The following CFAP54 variants were observed in gnomAD, a reference collection of about 807,000 sequenced individuals.
CFAP54 encodes cilia- and flagella-associated protein 54.
Under a neutral mutation model 370.4 loss-of-function variants are expected in CFAP54, and 290 were observed. That is an observed-to-expected ratio of 0.78 (90% CI 0.71 to 0.86). CFAP54 has a LOEUF of 0.86. Ranked by LOEUF, CFAP54 falls within the 40% of genes least tolerant of loss-of-function variation. The pLI is 0.00. For synonymous variants in CFAP54, 1,206 were observed against 1,236.5 expected (o/e 0.98, Z 0.52); for missense variants, 3,399 against 3,528.7 (o/e 0.96, Z 0.93).
intron 12 of CFAP54, among the ~76,000 whole-genome samples, chr12:96,537,118 A>G (rs1474105051): frequency 6.6e-6 from 1 of 152,186 alleles, no homozygotes; most frequent in Admixed American, 6.5e-5. Context: ...GGTTTGGTAT[A>G]TTTTAATCAT....
chr12:96,554,643 A>G, intron 16 of CFAP54, 33 bp from the exon 17 acceptor site: 2 of 1,500,392 alleles, frequency 1.3e-6, no homozygotes, highest in Non-Finnish European at 1.8e-6. Flanking sequence ...TGATAACTAT[A>G]TTTCTTTTTA....
intron 4 of CFAP54, among the ~76,000 whole-genome samples, chr12:96,508,741 G>T: frequency 6.6e-6 from 1 of 150,614 alleles, no homozygotes; most frequent in Non-Finnish European, 1.5e-5. Flanking sequence ...TGAATATTGT[G>T]GGGTTTTAGA....
At chr12:96,669,585 G>A (rs118156566) in intron 39 of CFAP54, among the ~76,000 whole-genome samples, 1,579 of 152,338 alleles carry the variant, frequency 0.01, 9 homozygotes, top group Middle Eastern at 0.024. Flanking sequence ...TGGCGGATGG[G>A]TGAGGAAGGG....
intron 55 of CFAP54, among the ~76,000 whole-genome samples, chr12:96,749,553 C>G (rs975041887): frequency 1.3e-5 from 2 of 152,176 alleles, no homozygotes; most frequent in African/African-American, 2.4e-5. Context: ...ATTTATATAT[C>G]AAGTCTTGAT....
intron 40 of CFAP54, chr12:96,682,305 A>G (rs1957281927): frequency 2.0e-6 from 2 of 985,648 alleles, no homozygotes; most frequent in African/African-American, 3.5e-5. Flanking sequence ...CACAACTTGG[A>G]CTTGTAATTT....
At chr12:96,721,871 T>C (rs141876794) in intron 50 of CFAP54, among the ~76,000 whole-genome samples, 1 of 152,164 alleles carries the variant, frequency 6.6e-6, no homozygotes, top group African/African-American at 2.4e-5. Context: ...TGGGCAAAAA[T>C]GATAAGTGCT....
chr12:96,517,760 C>T (rs536775877), intron 5 of CFAP54, among the ~76,000 whole-genome samples: 2 of 152,342 alleles, frequency 1.3e-5, no homozygotes, highest in Admixed American at 1.3e-4. Flanking sequence ...GCCATACACC[C>T]TGAAAGGATG....
chr12:96,549,465 A>G (rs1431922005), intron 15 of CFAP54, among the ~76,000 whole-genome samples: 3 of 152,214 alleles, frequency 2.0e-5, no homozygotes, highest in Non-Finnish European at 2.9e-5. Context: ...AAATAAATAC[A>G]GAGAAGTCTG....
rs200075679 is a variant in CFAP54 at position 96,621,045 on chromosome 12, C to T, written c.3640-545C>T. Among the ~76,000 whole-genome samples the T allele has an allele frequency of 6.4e-4, 98 of 152,324 alleles. No individual in the cohort carries two copies. The East Asian group carries it at 0.017, about 27-fold the overall frequency. On this transcript the variant is annotated intron_variant, in intron 26 of 67. Transcript: ENST00000524981. The stretch of plus-strand genomic sequence containing the variant: ...TGAGAGGCTAAATAGGCCTCTTCCC[C>T]TTACGACTACAGTGCACACTTCCCC...
At chr12:96,730,857 T>C (rs907104970) in intron 50 of CFAP54, among the ~76,000 whole-genome samples, 1 of 152,226 alleles carries the variant, frequency 6.6e-6, no homozygotes, top group Non-Finnish European at 1.5e-5. Context: ...GTTCCATGAC[T>C]AACCACATCT....
chr12:96,605,832 G>A (rs1039134124), intron 26 of CFAP54, among the ~76,000 whole-genome samples: 2 of 152,140 alleles, frequency 1.3e-5, no homozygotes, highest in Admixed American at 6.6e-5. Flanking sequence ...GATTGGGGAA[G>A]GCTTCACTCT....
In CFAP54 at chr12:96,620,157, A is replaced by G. The variant is rs371520846; in HGVS notation, c.3640-1433A>G. On this transcript the variant is annotated intron_variant, in intron 26 of 67. Transcript: ENST00000524981. ...GCATTAGATAGGGCTTCTCAGGTCT[A>G]AGCAGCCACTCATTATTGTTCAGCC... Among the ~76,000 whole-genome samples the G allele has an allele frequency of 2.6e-5, 4 of 152,320 alleles. No individual in the cohort carries two copies. In the South Asian group the frequency reaches 6.2e-4, roughly 24 times the overall value.
chr12:96,592,746 T>C (rs1565906702), intron 24 of CFAP54, 109 bp downstream of exon 24: 1 of 377,162 alleles, frequency 2.7e-6, no homozygotes. Flanking sequence ...GTGAATGGAC[T>C]GAAAGGACAT....
rs575031512 is a variant in CFAP54, at chr12:96,758,187, C to A, written c.8040+599C>A. On this transcript the variant is annotated intron_variant, in intron 58 of 67. Transcript: ENST00000524981. ...TAATAAACCAGTAAAGGAAGGAGATCAGAGGAGGAAAGGTGGGAGGAAATG... is the reference window on the plus strand; with the variant it reads ...TAATAAACCAGTAAAGGAAGGAGATAAGAGGAGGAAAGGTGGGAGGAAATG... Among the ~76,000 whole-genome samples the A allele has an allele frequency of 8.6e-5, 13 of 152,028 alleles. No homozygotes were observed. The East Asian group carries it at 2.5e-3, about 29-fold the overall frequency.
intron 65 of CFAP54, among the ~76,000 whole-genome samples, chr12:96,826,966 TTATA>T (rs1959122242): frequency 7.7e-6 from 1 of 129,822 alleles, no homozygotes; most frequent in African/African-American, 3.2e-5. Context: ...TAATATGCAA[TTATA>T]TATGATTATA....
At chr12:96,539,457 C>T (rs550785307) in intron 13 of CFAP54, among the ~76,000 whole-genome samples, 8 of 151,506 alleles carry the variant, frequency 5.3e-5, no homozygotes, top group Admixed American at 3.3e-4. Context: ...GTGGATCACC[C>T]GAGGTCAGGA....
intron 1 of CFAP54, among the ~76,000 whole-genome samples, chr12:96,499,474 G>A (rs1187699418): frequency 3.3e-5 from 5 of 152,154 alleles, no homozygotes; most frequent in South Asian, 2.1e-4. Context: ...ACCAAATGCC[G>A]GTAAGGATGT....
intron 65 of CFAP54, among the ~76,000 whole-genome samples, chr12:96,826,535 TA>T (rs1442138298): frequency 4.4e-5 from 2 of 45,042 alleles, no homozygotes; most frequent in African/African-American, 1.5e-4. Context: ...TATTATATAT[TA>T]TATATATAAT....
intron 25 of CFAP54, among the ~76,000 whole-genome samples, chr12:96,597,377 G>A (rs1385666684): frequency 1.3e-5 from 2 of 151,828 alleles, no homozygotes; most frequent in Non-Finnish European, 2.9e-5. Flanking sequence ...TCTGGAGGAT[G>A]GTATCTCATC....
Sources: allele counts gnomAD v4.1 joint callset (sites outside exome capture counted in the v4.1 genomes callset), GRCh38; gene constraint gnomAD v4.1.1; transcripts MANE v1.5; gene names NCBI Gene and HGNC (gene_info 2026-07-23, HGNC 2026-07-21).